The following HTR1D variants were observed in gnomAD, a reference collection of about 807,000 sequenced individuals.
HTR1D encodes the protein 5-HT-1D.
In HTR1D, 18 loss-of-function variants were observed where a neutral mutation model predicts 21.1. The observed-to-expected ratio is 0.85, with a 90% CI of 0.59 to 1.27. The LOEUF (loss-of-function observed/expected upper bound fraction) is 1.27. Ranked by LOEUF, HTR1D falls within the 50% of genes most tolerant of loss-of-function variation. The pLI is 0.00. For synonymous variants in HTR1D, 196 were observed against 204.4 expected, an observed-to-expected ratio of 0.96 and a Z score of 0.35; for missense variants, 456 against 481.4, an observed-to-expected ratio of 0.95 and a Z score of 0.49.
chr1:23,208,699 A>G (rs978350396), intron 1 of HTR1D, among the ~76,000 whole-genome samples: 5 of 152,186 alleles, frequency 3.3e-5, no homozygotes, highest in Admixed American at 3.3e-4. Context: ...GAAATGAATT[A>G]GTGCACCCAT....
intron 1 of HTR1D, among the ~76,000 whole-genome samples, chr1:23,204,119 T>C (rs948998041): frequency 5.3e-5 from 8 of 150,926 alleles, no homozygotes; most frequent in Admixed American, 5.3e-4. Flanking sequence ...TCTTTATAAG[T>C]TACCCAGTCT....
intron 1 of HTR1D, among the ~76,000 whole-genome samples, 183 bp from the exon 2 acceptor site, chr1:23,195,184 G>A (rs1431906422): frequency 6.6e-6 from 1 of 152,128 alleles, no homozygotes; most frequent in Non-Finnish European, 1.5e-5. Context: ...TTCCCAGAGG[G>A]GACAAAGAGT....
chr1:23,202,459 T>G (rs1644713643), intron 1 of HTR1D, among the ~76,000 whole-genome samples: 2 of 152,204 alleles, frequency 1.3e-5, no homozygotes, highest in Admixed American at 1.3e-4. Flanking sequence ...CCAGGGCTCA[T>G]TCAGCCTGCA....
chr1:23,197,307 C>G (rs1644692589), intron 1 of HTR1D, among the ~76,000 whole-genome samples: 1 of 152,156 alleles, frequency 6.6e-6, no homozygotes, highest in African/African-American at 2.4e-5. Context: ...GGCTATCTCC[C>G]CTCCTGCCTG....
At chr1:23,198,814 G>T (rs955210624) in intron 1 of HTR1D, among the ~76,000 whole-genome samples, 1 of 152,146 alleles carries the variant, frequency 6.6e-6, no homozygotes, top group African/African-American at 2.4e-5. Flanking sequence ...GAAAAGCAAA[G>T]AAATTATAAA....
intron 1 of HTR1D, among the ~76,000 whole-genome samples, chr1:23,198,902 A>G (rs918719277): frequency 1.3e-5 from 2 of 152,206 alleles, no homozygotes; most frequent in East Asian, 3.8e-4. Context: ...TAAAAGTTTC[A>G]ATTATGTTCT....
At chr1:23,213,588 G>A (rs1236466417) in intron 1 of HTR1D, among the ~76,000 whole-genome samples, 1 of 152,166 alleles carries the variant, frequency 6.6e-6, no homozygotes, top group Non-Finnish European at 1.5e-5. Context: ...TACACATTCT[G>A]TATTCTCTCC....
intron 1 of HTR1D, among the ~76,000 whole-genome samples, chr1:23,214,168 T>A (rs915130057): frequency 6.6e-6 from 1 of 152,236 alleles, no homozygotes; most frequent in African/African-American, 2.4e-5. Context: ...GGCTCACGCC[T>A]GTAATTCCAA....
intron 1 of HTR1D, among the ~76,000 whole-genome samples, chr1:23,204,728 C>T (rs1158553202): frequency 6.6e-6 from 1 of 152,242 alleles, no homozygotes; most frequent in Non-Finnish European, 1.5e-5. Flanking sequence ...TCTGCTTGCA[C>T]TCTGTCATTG....
intron 1 of HTR1D, among the ~76,000 whole-genome samples, chr1:23,210,866 C>G (rs1644750810): frequency 6.6e-6 from 1 of 152,104 alleles, no homozygotes; most frequent in Non-Finnish European, 1.5e-5. Context: ...TCTTCTCCCC[C>G]AGATGCTGCA....
chr1:23,195,679 C>T (rs1332121755), intron 1 of HTR1D, among the ~76,000 whole-genome samples: 2 of 152,046 alleles, frequency 1.3e-5, no homozygotes, highest in Admixed American at 6.6e-5. Flanking sequence ...CCTCATGATC[C>T]GCTGCCTCGG....
chr1:23,217,222 C>A lies in HTR1D; in HGVS notation c.-783+69G>T, dbSNP rs901912399. Among the ~76,000 whole-genome samples, 14 of 151,844 alleles carry A rather than the reference C, an allele frequency of 9.2e-5. No individual in the cohort carries two copies. The East Asian group carries it at 2.8e-3, about 30-fold the overall frequency. ...GCCCCCGAGGCCCCAGGAGGGGCGC[C>A]GCTCCCGGCCTCAGTTCCCCGCGGA... is the stretch of plus-strand genomic sequence containing the variant. On this transcript the variant is annotated intron_variant, in intron 1 of 1. Coordinates refer to ENST00000374619, the MANE Select transcript of HTR1D (RefSeq NM_000864.5). The surrounding 1 kb of genome is among the most constrained non-coding windows in gnomAD (Gnocchi z 4.6).
chr1:23,203,224 A>G (rs1164531558), intron 1 of HTR1D, among the ~76,000 whole-genome samples: 1 of 152,116 alleles, frequency 6.6e-6, no homozygotes, highest in Non-Finnish European at 1.5e-5. Flanking sequence ...TAACATGGGT[A>G]TGGGTGTGTG....
At chr1:23,215,132 GC>G (rs1355643628) in intron 1 of HTR1D, among the ~76,000 whole-genome samples, 1 of 152,198 alleles carries the variant, frequency 6.6e-6, no homozygotes, top group African/African-American at 2.4e-5. Context: ...GAAAGACTGA[GC>G]AGGCCAGGCT....
In HTR1D at chr1:23,193,806, C is replaced by T; in HGVS notation, c.414G>A (p.Trp138Ter). Residue 138 changes from tryptophan to a stop codon, truncating the protein, a stop_gained, in exon 2 of 2, where the codon TGG becomes TGA. Coordinates refer to ENST00000374619, the MANE Select transcript of HTR1D (RefSeq NM_000864.5). LOFTEE classifies it high-confidence loss of function. ...HLCVIALDRY[W>*]AITDALEYSK... ...TGTATTCCAGGGCATCTGTGATTGC[C>T]CAGTACCTGTCCAGAGCAATGACAC... is the stretch of plus-strand genomic sequence containing the variant. 1 of 1,614,142 alleles carries T rather than the reference C, an allele frequency of 6.2e-7. No individual in the cohort carries two copies. The highest frequency in any genetic ancestry group is 8.5e-7 in the Non-Finnish European group (1 of 1,180,008).
chr1:23,213,234 A>G (rs975567548), intron 1 of HTR1D, among the ~76,000 whole-genome samples: 9 of 151,716 alleles, frequency 5.9e-5, no homozygotes, highest in Non-Finnish European at 1.3e-4. Flanking sequence ...CATAAAAACA[A>G]TAAGGGTTGG....
intron 1 of HTR1D, among the ~76,000 whole-genome samples, chr1:23,196,412 C>G (rs1039092351): frequency 3.3e-5 from 5 of 150,086 alleles, no homozygotes; most frequent in African/African-American, 1.2e-4. Flanking sequence ...CCATTATACT[C>G]TAGCCTGGGC....
chr1:23,203,257 A>G (rs947838272), intron 1 of HTR1D, among the ~76,000 whole-genome samples: 11 of 152,132 alleles, frequency 7.2e-5, no homozygotes, highest in Admixed American at 6.5e-4. Flanking sequence ...CATCTCCCCC[A>G]TCTCATGCTC....
At chr1:23,195,818 T>A (rs1015317771) in intron 1 of HTR1D, among the ~76,000 whole-genome samples, 2 of 152,094 alleles carry the variant, frequency 1.3e-5, no homozygotes, top group East Asian at 1.9e-4. Context: ...CCAGTAATTT[T>A]AAAAATCATT....
Sources: allele counts gnomAD v4.1 joint callset (sites outside exome capture counted in the v4.1 genomes callset), GRCh38; gene constraint gnomAD v4.1.1; non-coding constraint Gnocchi (gnomAD v3.1); transcripts MANE v1.5; gene names NCBI Gene and HGNC (gene_info 2026-07-23, HGNC 2026-07-21).